LMX1B: variants seen among roughly 807,000 people sequenced by gnomAD.
LMX1B encodes LIM homeobox transcription factor 1 beta.
In LMX1B, 12 loss-of-function variants were observed where a neutral mutation model predicts 51.4. That is an observed-to-expected ratio of 0.23 (90% CI 0.15 to 0.38). The LOEUF is 0.38. Ranked by LOEUF, LMX1B falls within the 10% of genes least tolerant of loss-of-function variation. The probability of loss-of-function intolerance (pLI) is 1.00; values close to 1 mark genes in which losing one functional copy is unlikely to be tolerated. For missense variants in LMX1B, 445 were observed against 571.1 expected (o/e 0.78, Z 2.25); for synonymous variants, 237 against 235.4 (o/e 1.01, Z -0.06).
Position 126,626,444 on chromosome 9 carries a change from G to A in LMX1B, c.326+10875G>A, listed in dbSNP as rs1253263738. On this transcript the variant is annotated intron_variant, in intron 2 of 7. Coordinates refer to ENST00000373474, the MANE Select transcript of LMX1B (RefSeq NM_001174147.2). The surrounding 1 kb of genome is among the most constrained non-coding windows in gnomAD (Gnocchi z 4.3). ...AGTAGAGGGACAGGACATGGCCGGG[G>A]ACCATGGGATTCGCTGCCATTAAGT... Among the ~76,000 whole-genome samples the A allele has an allele frequency of 6.6e-6, 1 of 152,194 alleles. No individual in the cohort carries two copies. Among genetic ancestry groups the A allele is most frequent in the African/African-American group, 2.4e-5 (1 of 41,462 alleles).
At chr9:126,633,117 G>A (rs528405896) in intron 2 of LMX1B, among the ~76,000 whole-genome samples, 19 of 152,268 alleles carry the variant, frequency 1.2e-4, no homozygotes, top group African/African-American at 4.6e-4. Flanking sequence ...CCAAGGCCTG[G>A]CACAAGAGTC....
chr9:126,666,635 C>T (rs866010985), intron 2 of LMX1B, among the ~76,000 whole-genome samples: 4 of 152,196 alleles, frequency 2.6e-5, no homozygotes, highest in Non-Finnish European at 4.4e-5. Flanking sequence ...GCTTTACGTA[C>T]GCATGTTCTA....
At chr9:126,648,047 A>G (rs1032427120) in intron 2 of LMX1B, among the ~76,000 whole-genome samples, 3 of 152,204 alleles carry the variant, frequency 2.0e-5, no homozygotes, top group African/African-American at 7.2e-5. Context: ...CCCTGACTCT[A>G]TGCACAATGC....
intron 3 of LMX1B, 37 bp downstream of exon 3, chr9:126,691,105 A>T (rs1405070702): frequency 6.5e-7 from 1 of 1,539,688 alleles, no homozygotes; most frequent in Non-Finnish European, 8.9e-7. Context: ...GGCCTCAGGG[A>T]CGGGGGTTGC....
intron 2 of LMX1B, among the ~76,000 whole-genome samples, chr9:126,682,756 G>A (rs1259494373): frequency 1.3e-5 from 2 of 152,078 alleles, no homozygotes; most frequent in African/African-American, 4.8e-5. Flanking sequence ...TTAGCCGGGC[G>A]CGGTGGCGCC....
intron 2 of LMX1B, among the ~76,000 whole-genome samples, chr9:126,672,502 C>G (rs1836476288): frequency 6.6e-6 from 1 of 152,178 alleles, no homozygotes; most frequent in Non-Finnish European, 1.5e-5. Context: ...ATAGTTGCCC[C>G]TCTCCCGAGT....
chr9:126,659,935 C>T (rs1836196874), intron 2 of LMX1B, among the ~76,000 whole-genome samples: 1 of 151,586 alleles, frequency 6.6e-6, no homozygotes, highest in African/African-American at 2.4e-5. Flanking sequence ...TCTACACTAG[C>T]CTTAGAGATT....
rs570727304 is a variant in LMX1B, at chr9:126,652,230, C to T, written c.326+36661C>T. Among the ~76,000 whole-genome samples, 14 of 144,806 alleles carry T rather than the reference C, an allele frequency of 9.7e-5. No homozygotes were observed. In the East Asian group the frequency reaches 1.5e-3, roughly 15 times the overall value. 95.0% of individuals were successfully genotyped at this position (144,806 alleles called of 152,430 possible). ...TCCGAGGCATGATTGAGAGGGGGCG[C>T]GGCAGGAGGGGGCTGCAGGCCCCCA... is the stretch of plus-strand genomic sequence containing the variant. On this transcript the variant is annotated intron_variant, in intron 2 of 7. Transcript: ENST00000373474.
chr9:126,653,989 C>T (rs1836067055), intron 2 of LMX1B, among the ~76,000 whole-genome samples: 1 of 152,178 alleles, frequency 6.6e-6, no homozygotes, highest in Non-Finnish European at 1.5e-5. Context: ...TCCCAGCTCC[C>T]AGGCTTGGTC....
intron 2 of LMX1B, among the ~76,000 whole-genome samples, chr9:126,656,463 C>G (rs1229398721): frequency 1.3e-5 from 2 of 152,182 alleles, no homozygotes; most frequent in Non-Finnish European, 2.9e-5. Context: ...CAGAGGCCAT[C>G]TCCCCAGGCT....
intron 2 of LMX1B, among the ~76,000 whole-genome samples, chr9:126,648,482 C>T (rs565282141): frequency 6.6e-6 from 1 of 152,318 alleles, no homozygotes; most frequent in African/African-American, 2.4e-5. Context: ...CAACTCCTCC[C>T]TCCTGTGAGC....
At chr9:126,616,951 G>C (rs10987373) in intron 2 of LMX1B, among the ~76,000 whole-genome samples, 43,530 of 152,122 alleles carry the variant, frequency 0.29, 7,149 homozygotes, top group Middle Eastern at 0.41. Context: ...AGTCCATTCA[G>C]AGGTTCAGCT....
intron 2 of LMX1B, among the ~76,000 whole-genome samples, chr9:126,665,006 C>T (rs1836316422): frequency 2.6e-5 from 4 of 152,366 alleles, no homozygotes; most frequent in East Asian, 1.9e-4. Context: ...GAGGCTGAAG[C>T]ATTAAACACA....
At chr9:126,640,894 G>A (rs1220985960) in intron 2 of LMX1B, 1 of 152,272 alleles carries the variant, frequency 6.6e-6, no homozygotes, top group Non-Finnish European at 1.5e-5. Context: ...AGCAGGGTGG[G>A]GTCAGAGGGG....
At chr9:126,614,831 G>T (rs908969253) in intron 1 of LMX1B, among the ~76,000 whole-genome samples, 3 of 152,182 alleles carry the variant, frequency 2.0e-5, no homozygotes, top group Non-Finnish European at 4.4e-5. Context: ...AGGTTCTAGA[G>T]CTGCCACTCC....
chr9:126,695,907 A>G lies in LMX1B; in HGVS notation c.955A>G (p.Ile319Val). 1.2e-6 allele frequency: 2 copies of G among 1,613,390 alleles called. No homozygotes were observed. The highest frequency in any genetic ancestry group is 1.7e-6 in the Non-Finnish European group (2 of 1,179,802). Residue 319 changes from isoleucine (I) to valine (V), a missense_variant, in exon 7 of 8, where the codon ATC becomes GTC. Physicochemically the swap from Ile to Val is conservative, Grantham distance 29. Around this residue, in one of 3 missense-constraint regions of LMX1B, gnomAD observed 162 missense variants for 187.8 expected, o/e 0.86. Coordinates refer to ENST00000373474, the MANE Select transcript of LMX1B (RefSeq NM_001174147.2). This position sits in a 1 kb window ranked among gnomAD's most constrained non-coding sequence, Gnocchi z 5.2. ...YTPLAPPQQQIVAMEQSPYGS... is the reference protein window; with the variant it reads ...YTPLAPPQQQVVAMEQSPYGS... The stretch of plus-strand genomic sequence containing the variant: ...GCCGCTGGCCCCACCACAGCAGCAG[A>G]TCGTGGCCATGGAACAGAGCCCCTA...
intron 3 of LMX1B, among the ~76,000 whole-genome samples, chr9:126,691,640 C>A (rs2030136951): frequency 1.3e-5 from 2 of 152,146 alleles, no homozygotes; most frequent in Non-Finnish European, 2.9e-5. Flanking sequence ...CCTTGATGGC[C>A]CCCCACCAAC....
In LMX1B at chr9:126,658,624, A is replaced by G. The variant is rs1370452137; in HGVS notation, c.327-32212A>G. 6.6e-6 allele frequency among the ~76,000 whole-genome samples: 1 copy of G among 152,254 alleles called. No homozygotes were observed. Among genetic ancestry groups the G allele is most frequent in the Non-Finnish European group, 1.5e-5 (1 of 68,044 alleles). ...TTAAAGGCAGGCGGCCGCACCCGGC[A>G]GCGTTATTACCTTGTCATAAATAGT... On this transcript the variant is annotated intron_variant, in intron 2 of 7. Coordinates refer to ENST00000373474, the MANE Select transcript of LMX1B (RefSeq NM_001174147.2). The surrounding 1 kb of genome is among the most constrained non-coding windows in gnomAD (Gnocchi z 4.0).
At chr9:126,620,656 G>A (rs1452493643) in intron 2 of LMX1B, among the ~76,000 whole-genome samples, 14 of 151,772 alleles carry the variant, frequency 9.2e-5, no homozygotes, top group African/African-American at 1.9e-4. Flanking sequence ...GAGGGTGGCC[G>A]GGTGTCCTGT....
Sources: gnomAD v4.1 joint callset for allele counts (sites outside exome capture counted in the v4.1 genomes callset) on GRCh38, gnomAD v4.1.1 for gene constraint, gnomAD v4.1.1 regional missense constraint, Gnocchi (gnomAD v3.1) non-coding constraint, MANE v1.5 for transcripts, NCBI Gene and HGNC (gene_info 2026-07-23, HGNC 2026-07-21) for gene names.